NHSL2: variants seen among roughly 807,000 people sequenced by gnomAD.
NHSL2 encodes NHS like 2.
A neutral mutation model predicts 53.4 loss-of-function variants in NHSL2; 27 were observed. The observed-to-expected ratio is 0.51, with a 90% CI of 0.37 to 0.70. The LOEUF (loss-of-function observed/expected upper bound fraction) is 0.70, where lower values mean the gene tolerates loss of function less well. Among genes scored for constraint, NHSL2 ranks in the 30% least tolerant of loss-of-function variants. NHSL2 has a pLI of 0.00. For synonymous variants in NHSL2, 408 were observed against 404.1 expected (o/e 1.01, Z -0.12); for missense variants, 892 against 980.1 (o/e 0.91, Z 1.20).
At chrX:72,009,892 T>C (rs1054731961) in intron 1 of NHSL2, among the ~76,000 whole-genome samples, 2 of 112,561 alleles carry the variant, frequency 1.8e-5, no homozygotes, top group Non-Finnish European at 3.8e-5. Context: ...GGGGCCACTC[T>C]AGTGAGTCTG....
At chrX:72,133,721 G>A (rs1175590671) in intron 2 of NHSL2, 7 of 123,248 alleles carry the variant, frequency 5.7e-5, no homozygotes, top group South Asian at 3.0e-4. Context: ...TGGTAGGGTC[G>A]CAGAAAACCT....
intron 1 of NHSL2, among the ~76,000 whole-genome samples, chrX:72,090,687 A>G (rs2041888684): frequency 9.0e-6 from 1 of 110,636 alleles, no homozygotes; most frequent in African/African-American, 3.3e-5. Context: ...TCCCCACTTT[A>G]ACAGCTCCTC....
intron 1 of NHSL2, among the ~76,000 whole-genome samples, chrX:72,040,026 A>G (rs1287979591): frequency 8.9e-6 from 1 of 112,470 alleles, no homozygotes; most frequent in Non-Finnish European, 1.9e-5. Flanking sequence ...TGCCACCAAA[A>G]TAGGTTCAGC....
chrX:71,989,348 C>CAAAAAA (rs10625546), intron 1 of NHSL2, among the ~76,000 whole-genome samples: 1 of 54,687 alleles, frequency 1.8e-5, no homozygotes, highest in African/African-American at 8.1e-5. Flanking sequence ...GACTCCGTCT[C>CAAAAAA]AAAAAAAAAA....
At position 72,152,566 on chromosome X, in the gene NHSL2, A is replaced by G. The variant is rs1289249260; in HGVS notation, c.*8992A>G. On this transcript the variant is annotated 3_prime_UTR_variant, in exon 8 of 8. Transcript: ENST00000633930. The stretch of plus-strand genomic sequence containing the variant: ...GGGCTAGCACTCTAATTTGATGTGG[A>G]CTCAGCCACTCAGACCTAGGTCTCA... 1 of 112,354 alleles carries G rather than the reference A, an allele frequency of 8.9e-6. No individual in the cohort carries two copies. Among genetic ancestry groups the G allele is most frequent in the African/African-American group, 3.2e-5 (1 of 30,809 alleles). 9.3% of individuals were successfully genotyped at this position (112,354 alleles called of 1,213,427 possible).
chrX:72,065,385 G>C (rs1221690645), intron 1 of NHSL2, among the ~76,000 whole-genome samples: 1 of 112,312 alleles, frequency 8.9e-6, no homozygotes, highest in Non-Finnish European at 1.9e-5. Flanking sequence ...TGGAAGATTT[G>C]GAACAATTCC....
At chrX:72,098,506 G>A (rs1002959655) in intron 1 of NHSL2, among the ~76,000 whole-genome samples, 1 of 107,787 alleles carries the variant, frequency 9.3e-6, no homozygotes, top group East Asian at 2.9e-4. Context: ...GCGTGAACCC[G>A]GGAGACGGAG....
At chrX:72,132,738 T>C (rs189719597) in intron 2 of NHSL2, among the ~76,000 whole-genome samples, 2 of 111,473 alleles carry the variant, frequency 1.8e-5, no homozygotes, top group East Asian at 5.6e-4. Context: ...GTCACCTATT[T>C]TGTCCCCCCT....
At chrX:71,955,497 G>C (rs911343435) in intron 1 of NHSL2, among the ~76,000 whole-genome samples, 2 of 110,337 alleles carry the variant, frequency 1.8e-5, no homozygotes, top group Non-Finnish European at 3.8e-5. Flanking sequence ...CCCAGCACGA[G>C]AGTTATTTGT....
chrX:72,109,731 T>G (rs969692024), intron 1 of NHSL2, among the ~76,000 whole-genome samples: 1 of 111,402 alleles, frequency 9.0e-6, no homozygotes, highest in African/African-American at 3.3e-5. Context: ...CCTCCCAAAG[T>G]GCTGGGATTA....
intron 1 of NHSL2, among the ~76,000 whole-genome samples, chrX:72,120,769 A>G (rs2042175749): frequency 8.9e-6 from 1 of 112,509 alleles, no homozygotes; most frequent in African/African-American, 3.2e-5. Context: ...TCCAAAGCAT[A>G]TTGTTATGTC....
chrX:71,987,018 A>C (rs1019109849), intron 1 of NHSL2, among the ~76,000 whole-genome samples: 1 of 111,800 alleles, frequency 8.9e-6, no homozygotes, highest in Admixed American at 9.5e-5. Flanking sequence ...TACCAAAAAC[A>C]CATTTCACTT....
intron 1 of NHSL2, among the ~76,000 whole-genome samples, chrX:72,120,587 T>G (rs1448790513): frequency 8.9e-6 from 1 of 112,500 alleles, no homozygotes. Flanking sequence ...CTCTCTTTGA[T>G]TTTTGGTCAA....
At position 71,973,950 on chromosome X, in the gene NHSL2, C is replaced by T. The variant is rs138339222; in HGVS notation, c.280+62583C>T. On this transcript the variant is annotated intron_variant, in intron 1 of 7. Transcript: ENST00000633930. ...TCTTGGCCACACCCATCCAGAACAG[C>T]GCTTCTGTAACATGGAGCTGGTGAG... Among the ~76,000 whole-genome samples the T allele has an allele frequency of 4.9e-3, 543 of 111,632 alleles. 3 individuals carry two copies. Among genetic ancestry groups the T allele is most frequent in the African/African-American group, 0.016 (483 of 30,695 alleles).
intron 1 of NHSL2, among the ~76,000 whole-genome samples, chrX:72,096,476 G>T (rs1200763667): frequency 8.9e-6 from 1 of 111,964 alleles, no homozygotes; most frequent in Non-Finnish European, 1.9e-5. Context: ...CCAGAAATCA[G>T]CTTGCTAGAC....
At chrX:71,973,600 C>T (rs2041935584) in intron 1 of NHSL2, among the ~76,000 whole-genome samples, 1 of 110,914 alleles carries the variant, frequency 9.0e-6, no homozygotes, top group African/African-American at 3.3e-5. Context: ...GAGTGACACC[C>T]CTTACTCTAA....
At chrX:72,094,322 A>G (rs2041926526) in intron 1 of NHSL2, among the ~76,000 whole-genome samples, 1 of 111,583 alleles carries the variant, frequency 9.0e-6, no homozygotes, top group African/African-American at 3.3e-5. Context: ...TGCAATTTAT[A>G]CAGTTTAAGA....
chrX:72,111,802 C>T (rs1018175624), intron 1 of NHSL2, among the ~76,000 whole-genome samples: 4 of 111,508 alleles, frequency 3.6e-5, no homozygotes, highest in South Asian at 3.7e-4. Flanking sequence ...ACTTGCCATG[C>T]GCCAAGCACT....
chrX:72,101,147 C>T (rs781749274), intron 1 of NHSL2, among the ~76,000 whole-genome samples: 135 of 109,787 alleles, frequency 1.2e-3, no homozygotes, highest in African/African-American at 4.4e-3. Flanking sequence ...TTGTGGCTTA[C>T]TCAACTGTGA....
Sources: gnomAD v4.1 joint callset for allele counts (sites outside exome capture counted in the v4.1 genomes callset) on GRCh38, gnomAD v4.1.1 for gene constraint, MANE v1.5 for transcripts, NCBI Gene and HGNC (gene_info 2026-07-23, HGNC 2026-07-21) for gene names.